TOMM70: variants seen among roughly 807,000 people sequenced by gnomAD.
TOMM70 encodes the protein mitochondrial import receptor subunit TOM70.
A neutral mutation model predicts 73.6 loss-of-function variants in TOMM70; 13 were observed. The observed-to-expected ratio is 0.18, with a 90% CI of 0.11 to 0.28. The LOEUF is 0.28. Ranked by LOEUF, TOMM70 falls within the 10% of genes least tolerant of loss-of-function variation. The pLI is 1.00. For missense variants in TOMM70, 609 were observed against 747.5 expected, an observed-to-expected ratio of 0.81 and a Z score of 2.16; for synonymous variants, 257 against 271.2, an observed-to-expected ratio of 0.95 and a Z score of 0.51.
At chr3:100,393,362 A>G (rs938395428) in intron 1 of TOMM70, among the ~76,000 whole-genome samples, 3 of 152,216 alleles carry the variant, frequency 2.0e-5, no homozygotes, top group East Asian at 1.9e-4. Flanking sequence ...ACCAAATACC[A>G]TATGTTCTCA....
intron 1 of TOMM70, among the ~76,000 whole-genome samples, chr3:100,398,150 G>A (rs1440298148): frequency 1.3e-5 from 2 of 151,940 alleles, no homozygotes; most frequent in African/African-American, 4.8e-5. Flanking sequence ...TTGGGAGGCC[G>A]AGGTGGGTGG....
intron 11 of TOMM70, among the ~76,000 whole-genome samples, chr3:100,367,724 A>G (rs1009810157): frequency 6.6e-6 from 1 of 152,218 alleles, no homozygotes; most frequent in Non-Finnish European, 1.5e-5. Flanking sequence ...AAACACTTAC[A>G]CAAAATAAGA....
intron 3 of TOMM70, among the ~76,000 whole-genome samples, 181 bp downstream of exon 3, chr3:100,386,037 C>T (rs1386872184): frequency 1.3e-5 from 2 of 152,108 alleles, no homozygotes; most frequent in African/African-American, 2.4e-5. Flanking sequence ...TAGTTGAGAA[C>T]AGAGACAATA....
chr3:100,387,827 G>A (rs1412914678), intron 1 of TOMM70, among the ~76,000 whole-genome samples: 2 of 151,302 alleles, frequency 1.3e-5, no homozygotes, highest in Admixed American at 6.6e-5. Context: ...GTAGAGATGG[G>A]GTTTTGCCAT....
chr3:100,387,834 C>T (rs1016366446), intron 1 of TOMM70, among the ~76,000 whole-genome samples: 2 of 151,852 alleles, frequency 1.3e-5, no homozygotes, highest in East Asian at 3.9e-4. Context: ...TGGGGTTTTG[C>T]CATGTTGCCC....
rs1038936512 is a variant in TOMM70, at chr3:100,387,081, G to A, written c.325-103C>T. On this transcript the variant is annotated intron_variant, in intron 1 of 11. Coordinates refer to ENST00000284320, the MANE Select transcript of TOMM70 (RefSeq NM_014820.5). The stretch of plus-strand genomic sequence containing the variant: ...ATAAAAACAGGAAGACAGAATGGCT[G>A]TTTACAATGTAAGTTGCTTCATACA... 29 of 1,196,456 alleles carry A rather than the reference G, an allele frequency of 2.4e-5. No homozygotes were observed. In the African/African-American group the frequency reaches 4.0e-4, roughly 17 times the overall value. 74.1% of individuals were successfully genotyped at this position (1,196,456 alleles called of 1,614,324 possible).
At position 100,401,015 on chromosome 3, in the gene TOMM70, A is replaced by G; in HGVS notation, c.-66T>C. ...CGCCACAATCACCAAACAGCGTGCG[A>G]AGGAAGACCGAGGGAGGGAAGGAAA... is the stretch of plus-strand genomic sequence containing the variant. On this transcript the variant is annotated 5_prime_UTR_variant, in exon 1 of 12. Transcript: ENST00000284320. 1.4e-6 allele frequency: 2 copies of G among 1,466,912 alleles called. No individual in the cohort carries two copies. The highest frequency in any genetic ancestry group is 2.4e-5 in the South Asian group (2 of 81,812). The allele number at this position is 1,466,912 out of a possible 1,614,324, so 90.9% of individuals were successfully genotyped here. A position where few individuals can be genotyped will look rare whatever the true frequency, so the allele number is the denominator to read the frequency against.
rs892856167 is a variant in TOMM70, at chr3:100,370,650, TATACAC to T, written c.1453-1521_1453-1516del. On this transcript the variant is annotated intron_variant, in intron 9 of 11. Transcript: ENST00000284320. Reference sequence around the variant, plus strand: ...AAAAAAGTTACACTAAGTATATATATATACACATACACATACACACACACGTACTGT... The same window carrying T: ...AAAAAAGTTACACTAAGTATATATATATACACATACACACACACGTACTGT... 1.2e-4 allele frequency among the ~76,000 whole-genome samples: 19 copies of T among 152,238 alleles called. No individual in the cohort carries two copies. The East Asian group carries it at 1.7e-3, about 14-fold the overall frequency.
chr3:100,371,421 C>A (rs1462504478), intron 9 of TOMM70, among the ~76,000 whole-genome samples: 1 of 151,820 alleles, frequency 6.6e-6, no homozygotes, highest in Non-Finnish European at 1.5e-5. Flanking sequence ...TGCGCCAAAC[C>A]ACACCCAGCT....
Position 100,365,466 on chromosome 3 carries a change from A to C in TOMM70, c.*98T>G. 6.7e-7 allele frequency: 1 copy of C among 1,492,112 alleles called. No individual in the cohort carries two copies. Among genetic ancestry groups the C allele is most frequent in the Non-Finnish European group, 9.1e-7 (1 of 1,099,794 alleles). 92.4% of individuals were successfully genotyped at this position (1,492,112 alleles called of 1,614,324 possible). On this transcript the variant is annotated 3_prime_UTR_variant, in exon 12 of 12. Transcript: ENST00000284320. ...AACAACACCACAAACAGAAATACTGATTTCCACCATTCAACACAGTTCATG... is the reference window on the plus strand; with the variant it reads ...AACAACACCACAAACAGAAATACTGCTTTCCACCATTCAACACAGTTCATG...
intron 5 of TOMM70, 55 bp downstream of exon 5, chr3:100,381,560 A>G: frequency 1.3e-6 from 2 of 1,552,812 alleles, no homozygotes; most frequent in Non-Finnish European, 1.7e-6. Flanking sequence ...GGCCCTAAGG[A>G]AAGTTCAAAG....
At chr3:100,370,128 G>C (rs985514515) in intron 9 of TOMM70, among the ~76,000 whole-genome samples, 1 of 152,104 alleles carries the variant, frequency 6.6e-6, no homozygotes, top group Non-Finnish European at 1.5e-5. Context: ...AATGTAGCCA[G>C]CACATCTTCT....
chr3:100,400,223 T>G (rs1157847085), intron 1 of TOMM70, among the ~76,000 whole-genome samples: 2 of 152,122 alleles, frequency 1.3e-5, no homozygotes, highest in Non-Finnish European at 2.9e-5. Flanking sequence ...ATTAAAAGGC[T>G]CTTAGCGATT....
intron 1 of TOMM70, among the ~76,000 whole-genome samples, chr3:100,398,066 G>T (rs1248400768): frequency 6.6e-6 from 1 of 152,060 alleles, no homozygotes; most frequent in Non-Finnish European, 1.5e-5. Flanking sequence ...GAGGTGGGGT[G>T]GCTGAAACCA....
chr3:100,388,214 G>A (rs1706715930), intron 1 of TOMM70, among the ~76,000 whole-genome samples: 1 of 152,118 alleles, frequency 6.6e-6, no homozygotes, highest in Admixed American at 6.6e-5. Flanking sequence ...GACTGCTACA[G>A]GACTGACAGA....
intron 1 of TOMM70, among the ~76,000 whole-genome samples, chr3:100,390,396 G>C (rs1262431393): frequency 6.6e-6 from 1 of 152,198 alleles, no homozygotes; most frequent in African/African-American, 2.4e-5. Context: ...ATATACAATG[G>C]TGGTCCCATA....
chr3:100,371,319 T>C (rs190424666), intron 9 of TOMM70, among the ~76,000 whole-genome samples: 7 of 140,108 alleles, frequency 5.0e-5, no homozygotes, highest in Admixed American at 3.9e-4. Context: ...GGCTGGAGTG[T>C]GGTAGTGTGA....
At chr3:100,383,727 A>G (rs1242556293) in intron 4 of TOMM70, among the ~76,000 whole-genome samples, 1 of 152,236 alleles carries the variant, frequency 6.6e-6, no homozygotes, top group East Asian at 1.9e-4. Flanking sequence ...AAAGCAAGTT[A>G]TTATTAAAGG....
chr3:100,391,172 A>G (rs1036206187), intron 1 of TOMM70, among the ~76,000 whole-genome samples: 4 of 152,210 alleles, frequency 2.6e-5, no homozygotes, highest in African/African-American at 9.6e-5. Flanking sequence ...ACAATAATGT[A>G]TAGTACATAT....
Sources: gnomAD v4.1 joint callset for allele counts (sites outside exome capture counted in the v4.1 genomes callset) on GRCh38, gnomAD v4.1.1 for gene constraint, MANE v1.5 for transcripts, NCBI Gene and HGNC (gene_info 2026-07-23, HGNC 2026-07-21) for gene names.